Variants in CAST observed in about 807,000 individuals in gnomAD.
The protein encoded by CAST is MIR583 host.
Under a neutral mutation model 119.6 loss-of-function variants are expected in CAST, and 76 were observed. That is an observed-to-expected ratio of 0.64 (90% CI 0.53 to 0.77). The LOEUF (loss-of-function observed/expected upper bound fraction) is 0.77. Among genes scored for constraint, CAST ranks in the 30% least tolerant of loss-of-function variants. CAST has a pLI of 0.00. For missense variants in CAST, 953 were observed against 946.5 expected (o/e 1.01, Z -0.09); for synonymous variants, 319 against 331.6 (o/e 0.96, Z 0.41).
chr5:96,178,638 TGA>T, the CAST span, among the ~76,000 whole-genome samples: 1 of 152,270 alleles, frequency 6.6e-6, no homozygotes, highest in Non-Finnish European at 1.5e-5. Flanking sequence ...TGGTGGCCTT[TGA>T]GAGAAAGAGG....
At chr5:96,178,870 C>A in the CAST span, among the ~76,000 whole-genome samples, 1 of 152,136 alleles carries the variant, frequency 6.6e-6, no homozygotes, top group African/African-American at 2.4e-5. Flanking sequence ...TTTATACGGG[C>A]CTCATTCAAC....
the CAST span, among the ~76,000 whole-genome samples, chr5:96,347,203 C>A: frequency 1.3e-5 from 2 of 152,118 alleles, no homozygotes; most frequent in African/African-American, 4.8e-5. Context: ...GTCATCCTGT[C>A]CATCTAGTTT....
chr5:95,983,427 T>C, the CAST span, among the ~76,000 whole-genome samples: 4 of 152,096 alleles, frequency 2.6e-5, no homozygotes, highest in Non-Finnish European at 5.9e-5. Flanking sequence ...GTAGAAAAAT[T>C]CACAAAAGAT....
At chr5:96,536,185 C>T (rs188765175) in intron 1 of CAST, among the ~76,000 whole-genome samples, 14 of 151,602 alleles carry the variant, frequency 9.2e-5, no homozygotes, top group African/African-American at 3.4e-4. Context: ...TGATGAAATC[C>T]CATCTCTGCT....
chr5:96,115,673 C>T, the CAST span, among the ~76,000 whole-genome samples: 5 of 152,130 alleles, frequency 3.3e-5, no homozygotes, highest in African/African-American at 1.2e-4. Flanking sequence ...ATGTGGTCTT[C>T]CTGCTTTAAG....
intron 1 of CAST, among the ~76,000 whole-genome samples, chr5:96,633,470 T>C (rs1010676141): frequency 6.6e-6 from 1 of 152,246 alleles, no homozygotes; most frequent in African/African-American, 2.4e-5. Context: ...ATTCTTTTGA[T>C]GCCATTTAAA....
intron 2 of CAST, among the ~76,000 whole-genome samples, chr5:96,676,512 C>T (rs1750729549): frequency 6.6e-6 from 1 of 152,096 alleles, no homozygotes; most frequent in Non-Finnish European, 1.5e-5. Context: ...GCATTCTGTA[C>T]TAAAGTTTAT....
At chr5:96,670,834 T>A (rs1749972169) in intron 1 of CAST, among the ~76,000 whole-genome samples, 1 of 152,198 alleles carries the variant, frequency 6.6e-6, no homozygotes, top group Non-Finnish European at 1.5e-5. Flanking sequence ...TGTGACATGT[T>A]CCCTTGGCTG....
intron 1 of CAST, among the ~76,000 whole-genome samples, chr5:96,613,834 G>A (rs1747406896): frequency 6.6e-6 from 1 of 152,124 alleles, no homozygotes; most frequent in South Asian, 2.1e-4. Flanking sequence ...CTGGGGTGGA[G>A]CCTGCAAATA....
chr5:96,221,322 A>G, the CAST span, among the ~76,000 whole-genome samples: 1 of 152,122 alleles, frequency 6.6e-6, no homozygotes, highest in Non-Finnish European at 1.5e-5. Context: ...AGAGGAAGTA[A>G]AATTGTCTCT....
the CAST span, among the ~76,000 whole-genome samples, chr5:96,153,653 T>A: frequency 1.3e-5 from 2 of 152,314 alleles, no homozygotes; most frequent in Admixed American, 6.5e-5. Flanking sequence ...AGGATCCAAT[T>A]AGATTATTCT....
chr5:96,402,976 A>G, the CAST span, among the ~76,000 whole-genome samples: 5 of 152,150 alleles, frequency 3.3e-5, no homozygotes, highest in African/African-American at 1.2e-4. Context: ...TTTAGGTAAA[A>G]GCCTCTTATC....
chr5:96,191,559 T>C, the CAST span, among the ~76,000 whole-genome samples: 1 of 152,276 alleles, frequency 6.6e-6, no homozygotes, highest in South Asian at 2.1e-4. Flanking sequence ...CATAATTATG[T>C]CACTAGCAAA....
At chr5:96,751,244 C>T (rs988553829) in intron 20 of CAST, among the ~76,000 whole-genome samples, 1 of 152,042 alleles carries the variant, frequency 6.6e-6, no homozygotes, top group Non-Finnish European at 1.5e-5. Context: ...TTGAATTTGA[C>T]TCAGGGAATA....
chr5:95,989,295 A>G, the CAST span, among the ~76,000 whole-genome samples: 2 of 152,192 alleles, frequency 1.3e-5, no homozygotes, highest in African/African-American at 4.8e-5. Context: ...ATTTTTTTAA[A>G]TCTGAGAGCA....
chr5:96,484,102 A>G, the CAST span, among the ~76,000 whole-genome samples: 2 of 152,140 alleles, frequency 1.3e-5, no homozygotes, highest in Non-Finnish European at 2.9e-5. Context: ...ATAAGTCTGT[A>G]GCTGTCATTG....
chr5:96,297,832 C>T, the CAST span, among the ~76,000 whole-genome samples: 1 of 151,992 alleles, frequency 6.6e-6, no homozygotes, highest in Admixed American at 6.6e-5. Flanking sequence ...TTTATGGTGT[C>T]TTTCCTATAA....
chr5:96,412,362 G>T, the CAST span: 1 of 1,614,054 alleles, frequency 6.2e-7, no homozygotes, highest in Non-Finnish European at 8.5e-7. Flanking sequence ...AGCCGGCCAG[G>T]CCCCTCCACA....
chr5:96,322,050 A>C, the CAST span, among the ~76,000 whole-genome samples: 7 of 152,324 alleles, frequency 4.6e-5, no homozygotes, highest in East Asian at 1.3e-3. Context: ...GTCTATTGCC[A>C]AAATAATTCT....
Sources: allele counts gnomAD v4.1 joint callset (sites outside exome capture counted in the v4.1 genomes callset), GRCh38; gene constraint gnomAD v4.1.1; transcripts MANE v1.5; gene names NCBI Gene and HGNC (gene_info 2026-07-23, HGNC 2026-07-21).